The following MAP3K15 variants were observed in gnomAD, a reference collection of about 807,000 sequenced individuals.
MAP3K15 encodes the protein MAPK/ERK kinase kinase 15.
Under a neutral mutation model 99.5 loss-of-function variants are expected in MAP3K15, and 124 were observed. That is an observed-to-expected ratio of 1.25 (90% CI 1.08 to 1.45). The LOEUF is 1.45. MAP3K15 is among the 40% of genes most tolerant of loss of function. The pLI, the probability that MAP3K15 is intolerant of heterozygous loss-of-function variation, is 0.00. For missense variants in MAP3K15, 1,242 were observed against 1,079.7 expected, an observed-to-expected ratio of 1.15 and a Z score of -2.11; for synonymous variants, 494 against 439.6, an observed-to-expected ratio of 1.12 and a Z score of -1.55.
At chrX:19,379,133 A>G (rs139637359) in intron 19 of MAP3K15, among the ~76,000 whole-genome samples, 1 of 110,259 alleles carries the variant, frequency 9.1e-6, no homozygotes, top group Non-Finnish European at 1.9e-5. Flanking sequence ...GAGAGAACTT[A>G]TAACTTTAAG....
chrX:19,416,900 A>T (rs972164037), intron 9 of MAP3K15, among the ~76,000 whole-genome samples: 5 of 112,192 alleles, frequency 4.5e-5, no homozygotes, highest in African/African-American at 6.5e-5. Flanking sequence ...GCAATTACAA[A>T]ATGACAAAAT....
chrX:19,419,210 G>T (rs2063762214), intron 9 of MAP3K15, among the ~76,000 whole-genome samples: 1 of 111,520 alleles, frequency 9.0e-6, no homozygotes, highest in African/African-American at 3.3e-5. Flanking sequence ...AATATAAATG[G>T]GCTAAATGCC....
rs1314595511 is a variant in MAP3K15, at chrX:19,426,269, C to T, written c.1241G>A (p.Gly414Glu). 14 of 1,166,545 alleles carry T rather than the reference C, an allele frequency of 1.2e-5. No homozygotes were observed. The highest frequency in any genetic ancestry group is 1.8e-5 in the African/African-American group (1 of 56,291). ...TTCCAAGGAAGTTTCAAATTGTTGTCCAGCAACAATCAGCAAAACTGCAAG... is the reference window on the plus strand; with the variant it reads ...TTCCAAGGAAGTTTCAAATTGTTGTTCAGCAACAATCAGCAAAACTGCAAG... The part of the protein sequence containing the change: ...INLAVLLIVA[G>E]QQFETSLELR... Residue 414 changes from glycine to glutamate, a missense_variant, in exon 8 of 29, where the codon GGA (glycine) becomes GAA (glutamate). Coordinates refer to ENST00000338883, the MANE Select transcript of MAP3K15 (RefSeq NM_001001671.4).
At chrX:19,403,074 A>T (rs1264462380) in intron 13 of MAP3K15, among the ~76,000 whole-genome samples, 1 of 111,702 alleles carries the variant, frequency 9.0e-6, no homozygotes, top group African/African-American at 3.3e-5. Flanking sequence ...GGTAAAAATC[A>T]AAACAGTTAT....
At chrX:19,448,632 A>G (rs1411128252) in intron 6 of MAP3K15, among the ~76,000 whole-genome samples, 2 of 109,622 alleles carry the variant, frequency 1.8e-5, no homozygotes, top group South Asian at 4.1e-4. Context: ...ATTGATGAAA[A>G]AATTTGATGT....
At chrX:19,408,170 C>T (rs139612241) in intron 12 of MAP3K15, among the ~76,000 whole-genome samples, 1,638 of 111,233 alleles carry the variant, frequency 0.015, 32 homozygotes, top group Admixed American at 0.062. Context: ...GCCTCTGGAA[C>T]GCTCAAAGTA....
At chrX:19,415,073 A>T (rs1408496561) in intron 10 of MAP3K15, 34 bp downstream of exon 10, 11 of 1,096,997 alleles carry the variant, frequency 1.0e-5, no homozygotes, top group Admixed American at 7.0e-5. Flanking sequence ...TTTTTTTCCT[A>T]ATCTTAAAAA....
chrX:19,438,077 T>TC (rs1022807716), intron 6 of MAP3K15, among the ~76,000 whole-genome samples: 39 of 111,803 alleles, frequency 3.5e-4, no homozygotes, highest in Non-Finnish European at 6.2e-4. Context: ...TTTCAGTTTT[T>TC]CACAGTAATA....
chrX:19,405,287 A>G (rs757243834), intron 13 of MAP3K15, among the ~76,000 whole-genome samples: 2 of 112,124 alleles, frequency 1.8e-5, no homozygotes, highest in Admixed American at 1.9e-4. Flanking sequence ...ATGATGACAC[A>G]GAAATATTGT....
chrX:19,473,826 A>T (rs1408188927), intron 3 of MAP3K15, among the ~76,000 whole-genome samples: 1 of 112,292 alleles, frequency 8.9e-6, no homozygotes, highest in Non-Finnish European at 1.9e-5. Flanking sequence ...ATTAAATAAT[A>T]GGTGCTTTTA....
At chrX:19,473,085 G>T (rs1166323978) in intron 3 of MAP3K15, among the ~76,000 whole-genome samples, 1 of 112,118 alleles carries the variant, frequency 8.9e-6, no homozygotes, top group East Asian at 2.8e-4. Flanking sequence ...AGAAAAATAA[G>T]GAGAAAGAAA....
At chrX:19,470,331 C>T (rs1360966109) in intron 3 of MAP3K15, among the ~76,000 whole-genome samples, 3 of 110,443 alleles carry the variant, frequency 2.7e-5, no homozygotes, top group Non-Finnish European at 3.8e-5. Flanking sequence ...TGTTCTCACT[C>T]TTAGGTGGGA....
In MAP3K15 at chrX:19,449,013, C is replaced by G. The variant is rs1386181360; in HGVS notation, c.995+7900G>C. Among the ~76,000 whole-genome samples, 3 of 109,619 alleles carry G rather than the reference C, an allele frequency of 2.7e-5. 1 individual carries two copies. Among genetic ancestry groups the G allele is most frequent in the Admixed American group, 1.9e-4 (2 of 10,356 alleles). The stretch of plus-strand genomic sequence containing the variant: ...TTGGAGTATTTCTCAAACCATTCCC[C>G]AAGTTGAATGCTCTCTGGGTGACCA... On this transcript the variant is annotated intron_variant, in intron 6 of 28. Transcript: ENST00000338883.
At chrX:19,383,877 A>G (rs1422460372) in intron 18 of MAP3K15, among the ~76,000 whole-genome samples, 3 of 111,797 alleles carry the variant, frequency 2.7e-5, no homozygotes, top group East Asian at 5.6e-4. Context: ...ACCCTCATAC[A>G]CTGTTGGTGG....
intron 19 of MAP3K15, among the ~76,000 whole-genome samples, chrX:19,377,814 G>A (rs1021998980): frequency 1.2e-4 from 14 of 112,226 alleles, no homozygotes; most frequent in Non-Finnish European, 2.4e-4. Flanking sequence ...CACCGCACAC[G>A]GTCAAAGTGC....
At chrX:19,431,212 C>T (rs2063878361) in intron 7 of MAP3K15, among the ~76,000 whole-genome samples, 1 of 111,548 alleles carries the variant, frequency 9.0e-6, no homozygotes, top group Non-Finnish European at 1.9e-5. Flanking sequence ...CTTCTTGGCC[C>T]ATAAACAAGT....
chrX:19,493,115 C>T (rs1198467635), intron 1 of MAP3K15, among the ~76,000 whole-genome samples: 3 of 110,384 alleles, frequency 2.7e-5, no homozygotes, highest in Non-Finnish European at 3.8e-5. Flanking sequence ...AATAGCGGAA[C>T]GGGGCAGAAG....
intron 12 of MAP3K15, 100 bp downstream of exon 12, chrX:19,409,824 A>G: frequency 4.4e-6 from 3 of 685,822 alleles, no homozygotes; most frequent in Non-Finnish European, 6.7e-6. Context: ...ATTAAAAATA[A>G]GAACATTCCA....
At position 19,449,804 on chromosome X, in the gene MAP3K15, C is replaced by A. The variant is rs150344857; in HGVS notation, c.995+7109G>T. 4.0e-3 allele frequency among the ~76,000 whole-genome samples: 441 copies of A among 109,568 alleles called. 5 individuals are homozygous for A. The highest frequency in any genetic ancestry group is 0.013 in the African/African-American group (392 of 30,754). ...GAACGATGTTCTGGTGCTAAAAGCACTTCTATAAATTTCTCTTAAGAATTT... is the reference window on the plus strand; with the variant it reads ...GAACGATGTTCTGGTGCTAAAAGCAATTCTATAAATTTCTCTTAAGAATTT... On this transcript the variant is annotated intron_variant, in intron 6 of 28. Coordinates refer to ENST00000338883, the MANE Select transcript of MAP3K15 (RefSeq NM_001001671.4).
Sources: gnomAD v4.1 joint callset for allele counts (sites outside exome capture counted in the v4.1 genomes callset) on GRCh38, gnomAD v4.1.1 for gene constraint, MANE v1.5 for transcripts, NCBI Gene and HGNC (gene_info 2026-07-23, HGNC 2026-07-21) for gene names.